ABCC2: variants seen among roughly 807,000 people sequenced by gnomAD.
ABCC2 encodes ATP binding cassette subfamily C member 2, also known as ATP-binding cassette sub-family C member 2.
Under a neutral mutation model 173.4 loss-of-function variants are expected in ABCC2, and 157 were observed. The observed-to-expected ratio is 0.91, with a 90% CI of 0.80 to 1.03. The LOEUF (loss-of-function observed/expected upper bound fraction) is 1.03. Among genes scored for constraint, ABCC2 ranks in the 50% least tolerant of loss-of-function variants. ABCC2 has a pLI of 0.00. For synonymous variants in ABCC2, 657 were observed against 693.5 expected, an observed-to-expected ratio of 0.95 and a Z score of 0.83; for missense variants, 1,822 against 1,852.3, an observed-to-expected ratio of 0.98 and a Z score of 0.30.
At chr10:99,833,056 T>C (rs1590183654) in intron 23 of ABCC2, among the ~76,000 whole-genome samples, 1 of 152,212 alleles carries the variant, frequency 6.6e-6, no homozygotes, top group African/African-American at 2.4e-5. Context: ...CTCTGGACTC[T>C]TGTTTGTTGG....
intron 28 of ABCC2, 59 bp downstream of exon 28, chr10:99,844,524 A>G (rs2038990072): frequency 6.3e-7 from 1 of 1,598,984 alleles, no homozygotes; most frequent in Non-Finnish European, 8.5e-7. Flanking sequence ...ACAATTGGAC[A>G]GAGTGGAGAG....
At chr10:99,803,432 C>CCCTCCTTCCCTTCTCCCTTT (rs1180152981) in intron 9 of ABCC2, among the ~76,000 whole-genome samples, 1 of 152,142 alleles carries the variant, frequency 6.6e-6, no homozygotes, top group African/African-American at 2.4e-5. Flanking sequence ...CATGCTGGTT[C>CCCTCCTTCCCTTCTCCCTTT]CCTCCTTCCC....
chr10:99,824,618 T>G (rs1221815797), intron 19 of ABCC2, among the ~76,000 whole-genome samples: 13 of 151,020 alleles, frequency 8.6e-5, no homozygotes, highest in African/African-American at 3.2e-4. Context: ...TATTTATGGC[T>G]GGTATAGTAA....
rs1460602890 is a variant in ABCC2, at chr10:99,799,212, T to C, written c.873T>C (p.Asp291=). 1 of 1,613,918 alleles carries C rather than the reference T, an allele frequency of 6.2e-7. No homozygotes were observed. ...TTGTTTGGTTTTGTACCTAGGAAGA[T>C]GTTGAAAAGAAAAAAAAGAAGTCTG... ...SQSQDALVLE[D]VEKKKKKSGT... The change falls in exon 8 of 32, where the codon GAT becomes GAC. Residue 291 remains aspartate (D), a synonymous_variant. Transcript: ENST00000647814.
At chr10:99,823,831 C>T (rs865930433) in intron 19 of ABCC2, among the ~76,000 whole-genome samples, 200 of 102,166 alleles carry the variant, frequency 2.0e-3, no homozygotes, top group Middle Eastern at 4.1e-3. Context: ...CTAACTTGTT[C>T]CTTGGTTAAA....
At chr10:99,850,483 A>G in intron 30 of ABCC2, 119 bp from the exon 31 acceptor site, 1 of 1,006,456 alleles carries the variant, frequency 9.9e-7, no homozygotes, top group South Asian at 1.4e-5. Flanking sequence ...CAAACATTCC[A>G]GGGGAATTTT....
Position 99,845,706 on chromosome 10 carries a change from A to G in ABCC2, c.4070A>G (p.Gln1357Arg). 6.2e-7 allele frequency: 1 copy of G among 1,613,988 alleles called. No homozygotes were observed. The highest frequency in any genetic ancestry group is 8.5e-7 in the Non-Finnish European group (1 of 1,179,992). ...LFRILEAAGG[Q>R]IIIDGVDIAS... ...AGAATCTTAGAGGCTGCCGGTGGTCAGATTATCATTGATGGAGTAGATATT... is the reference window on the plus strand; with the variant it reads ...AGAATCTTAGAGGCTGCCGGTGGTCGGATTATCATTGATGGAGTAGATATT... The change falls in exon 29 of 32, where the codon CAG (glutamine) becomes CGG (arginine). Residue 1357 changes from glutamine (Q) to arginine (R), a missense_variant. Transcript: ENST00000647814.
chr10:99,817,420 C>G lies in ABCC2; in HGVS notation c.2207C>G (p.Ala736Gly). 2 of 1,614,144 alleles carry G rather than the reference C, an allele frequency of 1.2e-6. No homozygotes were observed. The highest frequency in any genetic ancestry group is 1.7e-6 in the Non-Finnish European group (2 of 1,180,010). ...NEKRYQQVLEACALLPDLEML... is the reference protein window; with the variant it reads ...NEKRYQQVLEGCALLPDLEML... ...AAGAGGTACCAGCAAGTACTGGAGG[C>G]CTGTGCTCTCCTCCCAGACTTGGAA... Residue 736 changes from alanine (A) to glycine (G), a missense_variant, in exon 17 of 32, where the codon GCC (alanine) becomes GGC (glycine). Coordinates refer to ENST00000647814, the MANE Select transcript of ABCC2 (RefSeq NM_000392.5).
chr10:99,813,794 AAT>A (rs1006878194), intron 16 of ABCC2, among the ~76,000 whole-genome samples: 8 of 152,332 alleles, frequency 5.3e-5, no homozygotes, highest in African/African-American at 1.9e-4. Flanking sequence ...GTACAATAAA[AAT>A]AACAGGACCT....
chr10:99,805,348 G>A (rs1280973208), intron 10 of ABCC2, 34 bp from the exon 11 acceptor site: 8 of 1,587,778 alleles, frequency 5.0e-6, no homozygotes, highest in African/African-American at 1.3e-5. Flanking sequence ...TCATGGAAGC[G>A]TATATTGTTT....
intron 31 of ABCC2, 152 bp from the exon 32 acceptor site, chr10:99,851,350 T>C (rs1232540199): frequency 2.5e-6 from 2 of 813,140 alleles, no homozygotes; most frequent in Non-Finnish European, 4.2e-6. Flanking sequence ...GCAGAATTCA[T>C]CCATGTTGAT....
intron 9 of ABCC2, among the ~76,000 whole-genome samples, chr10:99,802,299 T>C (rs2038027320): frequency 6.6e-6 from 1 of 152,198 alleles, no homozygotes; most frequent in African/African-American, 2.4e-5. Flanking sequence ...TTACATTCAT[T>C]ATCAATTCAC....
intron 2 of ABCC2, among the ~76,000 whole-genome samples, chr10:99,785,118 T>C (rs1252318308): frequency 2.6e-5 from 4 of 152,254 alleles, no homozygotes; most frequent in Non-Finnish European, 4.4e-5. Context: ...ATCAGTGGAC[T>C]GTAATTCAGT....
chr10:99,822,678 T>C (rs2038558278), intron 19 of ABCC2, among the ~76,000 whole-genome samples: 1 of 151,754 alleles, frequency 6.6e-6, no homozygotes. Context: ...GAAGTAGTAG[T>C]CTGATTTCTA....
intron 31 of ABCC2, among the ~76,000 whole-genome samples, chr10:99,851,209 T>C (rs542537430): frequency 1.3e-5 from 2 of 152,336 alleles, no homozygotes; most frequent in Admixed American, 1.3e-4. Context: ...AGAAAGCTGT[T>C]TGGAGATGAT....
intron 19 of ABCC2, among the ~76,000 whole-genome samples, chr10:99,827,931 A>G: frequency 2.0e-4 from 1 of 4,944 alleles, no homozygotes. Flanking sequence ...CCTTCACCCT[A>G]GAGAAAAGCC....
chr10:99,849,401 A>G (rs116854870), intron 30 of ABCC2, among the ~76,000 whole-genome samples: 1 of 152,204 alleles, frequency 6.6e-6, no homozygotes, highest in Admixed American at 6.5e-5. Flanking sequence ...GTAGGGTACA[A>G]TGGGAGGCCT....
intron 7 of ABCC2, among the ~76,000 whole-genome samples, chr10:99,798,302 T>TGA (rs2037955973): frequency 6.6e-6 from 1 of 151,674 alleles, no homozygotes; most frequent in South Asian, 2.1e-4. Flanking sequence ...TGTGAGAGAG[T>TGA]ATCACTGGTA....
chr10:99,845,073 A>G (rs1429906828), intron 28 of ABCC2, among the ~76,000 whole-genome samples: 1 of 152,056 alleles, frequency 6.6e-6, no homozygotes, highest in Non-Finnish European at 1.5e-5. Context: ...TCTATCACCC[A>G]GGCTGGAGTG....
Sources: allele counts gnomAD v4.1 joint callset (sites outside exome capture counted in the v4.1 genomes callset), GRCh38; gene constraint gnomAD v4.1.1; transcripts MANE v1.5; gene names NCBI Gene and HGNC (gene_info 2026-07-23, HGNC 2026-07-21).